STX17: variants seen among roughly 807,000 people sequenced by gnomAD.
STX17 encodes syntaxin-17.
A neutral mutation model predicts 35.9 loss-of-function variants in STX17; 29 were observed. The observed-to-expected ratio is 0.81, with a 90% CI of 0.60 to 1.10. STX17 has a LOEUF of 1.10. STX17 is among the 50% of genes least tolerant of loss of function. The pLI, the probability that STX17 is intolerant of heterozygous loss-of-function variation, is 0.00. For synonymous variants in STX17, 92 were observed against 118.3 expected, an observed-to-expected ratio of 0.78 and a Z score of 1.44; for missense variants, 312 against 352.3, an observed-to-expected ratio of 0.89 and a Z score of 0.92.
chr9:99,956,282 TTAAG>T (rs1280953867), intron 4 of STX17, among the ~76,000 whole-genome samples: 1 of 152,192 alleles, frequency 6.6e-6, no homozygotes, highest in African/African-American at 2.4e-5. Flanking sequence ...TTTTTTTAGA[TTAAG>T]TATTAATATA....
intron 1 of STX17, chr9:99,907,295 T>G (rs1686461516): frequency 6.6e-6 from 1 of 152,162 alleles, no homozygotes; most frequent in Admixed American, 6.5e-5. Flanking sequence ...CTCTCCAAAT[T>G]CGGTATCTCT....
rs1354707629 is a variant in STX17, at chr9:99,972,055, C to A, written c.*3382C>A. 6.6e-6 allele frequency among the ~76,000 whole-genome samples: 1 copy of A among 152,146 alleles called. No homozygotes were observed. The highest frequency in any genetic ancestry group is 1.5e-5 in the Non-Finnish European group (1 of 68,036). On this transcript the variant is annotated 3_prime_UTR_variant, in exon 8 of 8. Coordinates refer to ENST00000259400, the MANE Select transcript of STX17 (RefSeq NM_017919.3). ...AAACAGGCTTTGAAATGACACATTC[C>A]ATTCATTTGCATCTTTTTAAAAAAC... is the stretch of plus-strand genomic sequence containing the variant.
intron 4 of STX17, among the ~76,000 whole-genome samples, chr9:99,955,128 A>G (rs1052454998): frequency 6.6e-6 from 1 of 152,124 alleles, no homozygotes; most frequent in African/African-American, 2.4e-5. Flanking sequence ...GCTTCTCTCC[A>G]TTTTTGTCTT....
intron 3 of STX17, among the ~76,000 whole-genome samples, chr9:99,947,488 T>C (rs1829507554): frequency 6.6e-6 from 1 of 152,198 alleles, no homozygotes; most frequent in East Asian, 1.9e-4. Context: ...AATCTTTGAT[T>C]GGTGGACATT....
chr9:99,917,558 A>G (rs1201130249), intron 2 of STX17, among the ~76,000 whole-genome samples: 1 of 152,244 alleles, frequency 6.6e-6, no homozygotes, highest in African/African-American at 2.4e-5. Context: ...TGATTCTGCA[A>G]CATCTGAAAA....
At chr9:99,941,286 G>A (rs976417557) in intron 3 of STX17, among the ~76,000 whole-genome samples, 6 of 152,058 alleles carry the variant, frequency 3.9e-5, no homozygotes, top group African/African-American at 4.8e-5. Flanking sequence ...CACAATCCCC[G>A]TTCTTAGAAA....
chr9:99,924,178 C>T (rs1828943403), intron 2 of STX17, among the ~76,000 whole-genome samples: 1 of 152,176 alleles, frequency 6.6e-6, no homozygotes, highest in Non-Finnish European at 1.5e-5. Flanking sequence ...GGGGCAGGAC[C>T]CCCTCTGGAA....
chr9:99,941,741 T>G (rs1177342218), intron 3 of STX17, among the ~76,000 whole-genome samples: 3 of 152,210 alleles, frequency 2.0e-5, no homozygotes, highest in Admixed American at 1.3e-4. Context: ...TTAGCCTATT[T>G]TTGAACATTA....
chr9:99,945,735 G>T, intron 3 of STX17: 2 of 397,488 alleles, frequency 5.0e-6, no homozygotes, highest in South Asian at 1.8e-5. Flanking sequence ...AACTACATTT[G>T]AGCCTTCTCC....
intron 2 of STX17, among the ~76,000 whole-genome samples, chr9:99,925,765 TC>T (rs1274140439): frequency 6.6e-6 from 1 of 152,082 alleles, no homozygotes; most frequent in Non-Finnish European, 1.5e-5. Flanking sequence ...TCTTTTTTCT[TC>T]CCGTTTTTAA....
Position 99,928,585 on chromosome 9 carries a change from C to T in STX17, c.124-193C>T, listed in dbSNP as rs141421062. ...TTTTTTTGGTTTATTTTATAATTTC[C>T]GTAATTTTGTATGCAACATTCTTAA... On this transcript the variant is annotated intron_variant, in intron 2 of 7. Transcript: ENST00000259400. Among the ~76,000 whole-genome samples the T allele has an allele frequency of 1.2e-4, 18 of 151,752 alleles. No homozygotes were observed. The East Asian group carries it at 2.7e-3, about 23-fold the overall frequency.
intron 2 of STX17, among the ~76,000 whole-genome samples, chr9:99,919,400 T>C (rs2118328641): frequency 6.6e-6 from 1 of 152,270 alleles, no homozygotes; most frequent in East Asian, 1.9e-4. Flanking sequence ...TGAACAACCA[T>C]GCTTGGCTGT....
intron 6 of STX17, among the ~76,000 whole-genome samples, chr9:99,965,698 T>C (rs1195917239): frequency 6.6e-6 from 1 of 152,164 alleles, no homozygotes; most frequent in Admixed American, 6.5e-5. Context: ...AAATAAAAAT[T>C]GAATGATTGA....
rs990861910 is a variant in STX17, at chr9:99,971,782, A to G, written c.*3109A>G. Reference sequence around the variant, plus strand: ...ATGCCTGCAATCCCAGCACTTAGGGAGGCAGAGGCCAGAGGATCACTTGAG... The same window carrying G: ...ATGCCTGCAATCCCAGCACTTAGGGGGGCAGAGGCCAGAGGATCACTTGAG... On this transcript the variant is annotated 3_prime_UTR_variant, in exon 8 of 8. Coordinates refer to ENST00000259400, the MANE Select transcript of STX17 (RefSeq NM_017919.3). 3.9e-5 allele frequency among the ~76,000 whole-genome samples: 6 copies of G among 152,296 alleles called. No homozygotes were observed. Among genetic ancestry groups the G allele is most frequent in the Admixed American group, 3.3e-4 (5 of 15,302 alleles).
chr9:99,935,893 G>A (rs1263142560), intron 3 of STX17, among the ~76,000 whole-genome samples: 1 of 152,158 alleles, frequency 6.6e-6, no homozygotes, highest in African/African-American at 2.4e-5. Context: ...GGAACAGTAA[G>A]GAGGTCAGTG....
chr9:99,928,741 T>A (rs971131673), intron 2 of STX17, 37 bp from the exon 3 acceptor site: 1 of 1,589,806 alleles, frequency 6.3e-7, no homozygotes, highest in Non-Finnish European at 8.6e-7. Context: ...CCTTTAGTGA[T>A]GAAAAATTTA....
At chr9:99,965,321 G>T (rs1829893474) in intron 6 of STX17, among the ~76,000 whole-genome samples, 1 of 152,114 alleles carries the variant, frequency 6.6e-6, no homozygotes, top group Non-Finnish European at 1.5e-5. Flanking sequence ...TTTAAAGGAA[G>T]GAACATTAGA....
intron 1 of STX17, among the ~76,000 whole-genome samples, chr9:99,912,846 C>A (rs1828691093): frequency 6.6e-6 from 1 of 152,066 alleles, no homozygotes; most frequent in Non-Finnish European, 1.5e-5. Context: ...ACAGTTTATT[C>A]TATTCATTGC....
chr9:99,922,271 G>A (rs1236104447), intron 2 of STX17, among the ~76,000 whole-genome samples: 1 of 152,194 alleles, frequency 6.6e-6, no homozygotes, highest in African/African-American at 2.4e-5. Context: ...GTCAGTCTGT[G>A]TATTGGAAGA....
Sources: gnomAD v4.1 joint callset for allele counts (sites outside exome capture counted in the v4.1 genomes callset) on GRCh38, gnomAD v4.1.1 for gene constraint, MANE v1.5 for transcripts, NCBI Gene and HGNC (gene_info 2026-07-23, HGNC 2026-07-21) for gene names.